APLP2: variants seen among roughly 807,000 people sequenced by gnomAD.
APLP2 encodes the protein amyloid beta precursor like protein 2.
In APLP2, 53 loss-of-function variants were observed where a neutral mutation model predicts 89.9. The observed-to-expected ratio is 0.59, with a 90% confidence interval of 0.47 to 0.74. The LOEUF (loss-of-function observed/expected upper bound fraction) is 0.74. Ranked by LOEUF, APLP2 falls within the 30% of genes least tolerant of loss-of-function variation. APLP2 has a pLI of 0.00. For synonymous variants in APLP2, 372 were observed against 348.6 expected, an observed-to-expected ratio of 1.07 and a Z score of -0.75; for missense variants, 973 against 975.9, an observed-to-expected ratio of 1.00 and a Z score of 0.04.
intron 3 of APLP2, among the ~76,000 whole-genome samples, chr11:130,115,744 C>T (rs904289175): frequency 2.0e-5 from 3 of 152,182 alleles, no homozygotes; most frequent in African/African-American, 7.2e-5. Context: ...TAATACTGAT[C>T]TGCCTAGGTA....
chr11:130,074,053 C>T (rs940039629), intron 1 of APLP2, among the ~76,000 whole-genome samples: 10 of 152,096 alleles, frequency 6.6e-5, no homozygotes, highest in Admixed American at 2.0e-4. Flanking sequence ...TTTCTAAGAG[C>T]CAAAGACATT....
chr11:130,098,483 C>G (rs1207461886), intron 1 of APLP2, among the ~76,000 whole-genome samples: 1 of 151,718 alleles, frequency 6.6e-6, no homozygotes, highest in Non-Finnish European at 1.5e-5. Context: ...GAAAAGAGAT[C>G]TAGTGAAGTC....
chr11:130,126,885 T>G, intron 8 of APLP2, 55 bp downstream of exon 8: 1 of 1,602,810 alleles, frequency 6.2e-7, no homozygotes, highest in Non-Finnish European at 8.5e-7. Context: ...GTAGCATGGT[T>G]CTCATAGCTG....
chr11:130,110,099 G>A (rs991487333), intron 2 of APLP2, among the ~76,000 whole-genome samples: 1 of 152,176 alleles, frequency 6.6e-6, no homozygotes, highest in African/African-American at 2.4e-5. Context: ...GCCTCCCAAA[G>A]TGCTGGGATT....
intron 1 of APLP2, among the ~76,000 whole-genome samples, chr11:130,094,977 A>G (rs565732955): frequency 4.7e-4 from 72 of 152,320 alleles, no homozygotes; most frequent in African/African-American, 1.6e-3. Flanking sequence ...TTTTCTGACA[A>G]TTTCAGGGAG....
At chr11:130,096,538 C>T (rs1254270171) in intron 1 of APLP2, among the ~76,000 whole-genome samples, 8 of 152,050 alleles carry the variant, frequency 5.3e-5, no homozygotes, top group African/African-American at 1.4e-4. Flanking sequence ...GGCAATATAG[C>T]GAGACCTCAT....
At chr11:130,090,046 C>T (rs1944670499) in intron 1 of APLP2, among the ~76,000 whole-genome samples, 1 of 152,198 alleles carries the variant, frequency 6.6e-6, no homozygotes, top group African/African-American at 2.4e-5. Context: ...TGTTGACTGA[C>T]ATAACTGTAA....
chr11:130,112,425 C>A (rs1948704762), intron 3 of APLP2, among the ~76,000 whole-genome samples: 1 of 136,666 alleles, frequency 7.3e-6, no homozygotes, highest in African/African-American at 2.7e-5. Context: ...GCCCACTGGG[C>A]ACTAAGGTGA....
intron 1 of APLP2, among the ~76,000 whole-genome samples, chr11:130,082,948 C>A (rs1053730990): frequency 6.6e-6 from 1 of 151,670 alleles, no homozygotes; most frequent in Non-Finnish European, 1.5e-5. Context: ...AATTGAACAG[C>A]CTAAAGTCCA....
chr11:130,091,379 C>T (rs1945130148), intron 1 of APLP2, among the ~76,000 whole-genome samples: 1 of 148,262 alleles, frequency 6.7e-6, no homozygotes, highest in Non-Finnish European at 1.5e-5. Context: ...GACCCCCCTA[C>T]CTCCCTCCCG....
Position 130,114,609 on chromosome 11 carries a change from T to C in APLP2, c.403+3948T>C, listed in dbSNP as rs144777200. Among the ~76,000 whole-genome samples the C allele has an allele frequency of 8.1e-4, 123 of 152,346 alleles. 1 individual carries two copies. Among genetic ancestry groups the C allele is most frequent in the African/African-American group, 2.5e-3 (105 of 41,588 alleles). On this transcript the variant is annotated intron_variant, in intron 3 of 16. Coordinates refer to ENST00000338167, the MANE Select transcript of APLP2 (RefSeq NM_001142276.2). ...ATTCTTTGAGAACTTTACTTTCTGATACAAAAGATTCTCCAAGTCCATTCT... is the reference window on the plus strand; with the variant it reads ...ATTCTTTGAGAACTTTACTTTCTGACACAAAAGATTCTCCAAGTCCATTCT...
intron 1 of APLP2, among the ~76,000 whole-genome samples, chr11:130,108,367 AAATC>A (rs954130805): frequency 6.6e-6 from 1 of 152,316 alleles, no homozygotes; most frequent in Middle Eastern, 3.4e-3. Flanking sequence ...TTACAAGAAA[AAATC>A]AACCCCATCA....
At chr11:130,074,759 G>A (rs543112731) in intron 1 of APLP2, among the ~76,000 whole-genome samples, 76 of 152,176 alleles carry the variant, frequency 5.0e-4, no homozygotes, top group African/African-American at 1.8e-3. Flanking sequence ...TATAAAAATG[G>A]CACATACTGC....
intron 14 of APLP2, 108 bp downstream of exon 14, chr11:130,140,591 G>T: frequency 3.4e-6 from 3 of 877,290 alleles, no homozygotes; most frequent in Non-Finnish European, 3.4e-6. Flanking sequence ...TTCGTTTTCC[G>T]CACAGTAGAA....
chr11:130,108,129 C>T (rs1948044025), intron 1 of APLP2, among the ~76,000 whole-genome samples: 1 of 152,196 alleles, frequency 6.6e-6, no homozygotes, highest in African/African-American at 2.4e-5. Context: ...AAAACCTAGG[C>T]AATACCATTC....
chr11:130,096,682 A>G (rs762676604), intron 1 of APLP2, among the ~76,000 whole-genome samples: 4 of 152,272 alleles, frequency 2.6e-5, no homozygotes, highest in Non-Finnish European at 5.9e-5. Flanking sequence ...TGCACCACTG[A>G]ACTCCAGCCT....
intron 3 of APLP2, among the ~76,000 whole-genome samples, chr11:130,112,512 C>CTTA (rs1323177201): frequency 2.2e-5 from 3 of 136,536 alleles, no homozygotes; most frequent in Non-Finnish European, 1.7e-5. Context: ...GGTCTAACTA[C>CTTA]TTAACTTTTC....
intron 1 of APLP2, among the ~76,000 whole-genome samples, chr11:130,089,600 G>GT (rs1473024641): frequency 1.3e-5 from 2 of 152,218 alleles, no homozygotes; most frequent in Non-Finnish European, 2.9e-5. Context: ...TACCCAGTGT[G>GT]TTTGTTTGCT....
intron 1 of APLP2, among the ~76,000 whole-genome samples, chr11:130,091,604 A>C (rs1165265260): frequency 2.0e-5 from 2 of 100,464 alleles, no homozygotes; most frequent in Non-Finnish European, 2.0e-5. Context: ...TGACCCCCCC[A>C]TCTCCCTCCC....
Sources: allele counts gnomAD v4.1 joint callset (sites outside exome capture counted in the v4.1 genomes callset), GRCh38; gene constraint gnomAD v4.1.1; transcripts MANE v1.5; gene names NCBI Gene and HGNC (gene_info 2026-07-23, HGNC 2026-07-21).